PRKCE: variants seen among roughly 807,000 people sequenced by gnomAD.
PRKCE encodes protein kinase C epsilon type.
PRKCE carries 16 observed loss-of-function variants against 85.4 expected under a neutral mutation model. The observed-to-expected ratio is 0.19, with a 90% CI of 0.13 to 0.28. PRKCE has a LOEUF of 0.28. Among genes scored for constraint, PRKCE ranks in the 10% least tolerant of loss-of-function variants. The pLI is 1.00. For synonymous variants in PRKCE, 388 were observed against 371.5 expected (o/e 1.04, Z -0.51); for missense variants, 573 against 975.2 (o/e 0.59, Z 5.49).
intron 1 of PRKCE, among the ~76,000 whole-genome samples, chr2:45,718,922 AAAAC>A (rs1218445004): frequency 6.6e-6 from 1 of 152,266 alleles, no homozygotes; most frequent in African/African-American, 2.4e-5. Context: ...TATTTAATTA[AAAAC>A]AAACAGATTT....
chr2:45,815,496 C>T (rs1688970988), intron 1 of PRKCE, among the ~76,000 whole-genome samples: 1 of 152,150 alleles, frequency 6.6e-6, no homozygotes. Flanking sequence ...AGGTTCCAAT[C>T]CCTAGGTGCT....
rs191450991 is a variant in PRKCE, at chr2:46,114,203, G to A, written c.1592+27841G>A. Among the ~76,000 whole-genome samples, 260 of 152,156 alleles carry A rather than the reference G, an allele frequency of 1.7e-3. 2 individuals carry two copies. Among genetic ancestry groups the A allele is most frequent in the African/African-American group, 5.6e-3 (234 of 41,500 alleles). The stretch of plus-strand genomic sequence containing the variant: ...GGGTATGTCGAGAGGCACAGAACTC[G>A]AGGGTTCTGTATAAACTTCGGGGGT... On this transcript the variant is annotated intron_variant, in intron 11 of 14. Coordinates refer to ENST00000306156, the MANE Select transcript of PRKCE (RefSeq NM_005400.3).
chr2:45,777,469 G>A lies in PRKCE; in HGVS notation c.349-65531G>A, dbSNP rs74879591. 1.3e-3 allele frequency among the ~76,000 whole-genome samples: 202 copies of A among 152,066 alleles called. 5 individuals are homozygous for A. In the East Asian group the frequency reaches 0.028, roughly 21 times the overall value. On this transcript the variant is annotated intron_variant, in intron 1 of 14. Coordinates refer to ENST00000306156, the MANE Select transcript of PRKCE (RefSeq NM_005400.3). ...CTCAGTATTGCCAATGAAGGCAGTG[G>A]CGCCCACGAGCTAATGTGACTTCCT...
At chr2:45,964,079 G>A (rs1286170792) in intron 2 of PRKCE, among the ~76,000 whole-genome samples, 1 of 152,178 alleles carries the variant, frequency 6.6e-6, no homozygotes, top group East Asian at 1.9e-4. Flanking sequence ...GGAAGGGTGT[G>A]GGTTTTTCAA....
At chr2:45,881,401 A>C (rs142547465) in intron 2 of PRKCE, among the ~76,000 whole-genome samples, 382 of 152,316 alleles carry the variant, frequency 2.5e-3, no homozygotes, top group Middle Eastern at 0.02. Context: ...CACATTTTAA[A>C]TGGAATTTCT....
chr2:46,019,501 A>G (rs933072734), intron 10 of PRKCE, among the ~76,000 whole-genome samples: 1 of 152,216 alleles, frequency 6.6e-6, no homozygotes, highest in African/African-American at 2.4e-5. Context: ...ATCTTTCTTA[A>G]ACATATGTAT....
intron 1 of PRKCE, among the ~76,000 whole-genome samples, chr2:45,751,809 A>ATTT (rs34589907): frequency 0.025 from 1,972 of 78,462 alleles, 317 homozygotes; most frequent in African/African-American, 0.037. Flanking sequence ...GCTAACCACT[A>ATTT]TTTTTTTTTT....
At chr2:45,848,067 G>T (rs531801712) in intron 2 of PRKCE, among the ~76,000 whole-genome samples, 1 of 152,124 alleles carries the variant, frequency 6.6e-6, no homozygotes, top group African/African-American at 2.4e-5. Context: ...TCCATAGCAG[G>T]CATTAGAGCA....
intron 10 of PRKCE, among the ~76,000 whole-genome samples, chr2:46,024,397 G>A (rs1255487034): frequency 6.6e-6 from 1 of 151,934 alleles, no homozygotes; most frequent in Admixed American, 6.6e-5. Flanking sequence ...GACGTTCCAG[G>A]GAGAATGCCA....
intron 10 of PRKCE, among the ~76,000 whole-genome samples, chr2:46,034,470 C>G (rs529845067): frequency 6.6e-6 from 1 of 152,192 alleles, no homozygotes; most frequent in East Asian, 1.9e-4. Flanking sequence ...ATCTTCCATT[C>G]CAACTCCTAA....
intron 10 of PRKCE, among the ~76,000 whole-genome samples, chr2:46,044,169 G>T (rs1206179946): frequency 6.6e-6 from 1 of 152,218 alleles, no homozygotes; most frequent in Non-Finnish European, 1.5e-5. Context: ...GAACTAAGAA[G>T]ATTACAAGAG....
rs1219694560 is a variant in PRKCE at position 45,677,851 on chromosome 2, G to A, written c.348+25403G>A. On this transcript the variant is annotated intron_variant, in intron 1 of 14. Transcript: ENST00000306156. ...TTTCAGAGACACAACCGCTTCAGAT[G>A]GGCAGTGAAAAAGACGATGGAAAGG... is the stretch of plus-strand genomic sequence containing the variant. The A allele has an allele frequency of 5.1e-6, 5 of 985,330 alleles. No homozygotes were observed. In the African/African-American group the frequency reaches 7.0e-5, roughly 14 times the overall value. 61.0% of individuals were successfully genotyped at this position (985,330 alleles called of 1,614,324 possible).
At chr2:46,052,020 A>C (rs1708890082) in intron 10 of PRKCE, among the ~76,000 whole-genome samples, 1 of 152,116 alleles carries the variant, frequency 6.6e-6, no homozygotes, top group Admixed American at 6.5e-5. Context: ...CTCCATCAAC[A>C]CCTGGGGATT....
intron 10 of PRKCE, among the ~76,000 whole-genome samples, chr2:46,022,302 A>G (rs1299772905): frequency 2.6e-5 from 4 of 152,146 alleles, no homozygotes; most frequent in African/African-American, 9.7e-5. Context: ...GACCTATACG[A>G]TCCCTCCAGA....
At chr2:46,124,453 C>G (rs1673651859) in intron 11 of PRKCE, among the ~76,000 whole-genome samples, 1 of 152,128 alleles carries the variant, frequency 6.6e-6, no homozygotes, top group Non-Finnish European at 1.5e-5. Flanking sequence ...AGAGAATTTT[C>G]TCTTAATGAA....
intron 1 of PRKCE, among the ~76,000 whole-genome samples, chr2:45,767,961 C>G (rs977545033): frequency 6.6e-6 from 1 of 152,176 alleles, no homozygotes; most frequent in African/African-American, 2.4e-5. Flanking sequence ...TGATACCAAG[C>G]AGAGGAGTGA....
chr2:46,036,309 G>T (rs1167599264), intron 10 of PRKCE, among the ~76,000 whole-genome samples: 3 of 152,178 alleles, frequency 2.0e-5, no homozygotes, highest in East Asian at 3.9e-4. Flanking sequence ...GTGTGTGGTG[G>T]CTCATGCCTG....
chr2:45,901,326 C>T (rs900103287), intron 2 of PRKCE, among the ~76,000 whole-genome samples: 1 of 152,146 alleles, frequency 6.6e-6, no homozygotes, highest in African/African-American at 2.4e-5. Flanking sequence ...ATGGTTCTTA[C>T]CCAAGGCCAA....
At chr2:46,123,214 C>CTTTTTTTTTTTTTATTTTTTTTTT (rs1673502520) in intron 11 of PRKCE, among the ~76,000 whole-genome samples, 1 of 27,352 alleles carries the variant, frequency 3.7e-5, no homozygotes. Flanking sequence ...AAACACTTGC[C>CTTTTTTTTTTTTTATTTTTTTTTT]TTTTTTTTTT....
Sources: gnomAD v4.1 joint callset for allele counts (sites outside exome capture counted in the v4.1 genomes callset) on GRCh38, gnomAD v4.1.1 for gene constraint, MANE v1.5 for transcripts, NCBI Gene and HGNC (gene_info 2026-07-23, HGNC 2026-07-21) for gene names.